PRELID2: variants seen among roughly 807,000 people sequenced by gnomAD.
PRELID2 encodes PRELI domain-containing protein 2.
PRELID2 carries 25 observed loss-of-function variants against 28.4 expected under a neutral mutation model. The ratio of observed to expected loss-of-function variants is 0.88; its 90% CI spans 0.64 to 1.23. PRELID2 has a LOEUF of 1.23. PRELID2 is among the 50% of genes most tolerant of loss of function. The pLI is 0.00. For synonymous variants in PRELID2, 76 were observed against 71.6 expected (o/e 1.06, Z -0.31); for missense variants, 201 against 214.4 (o/e 0.94, Z 0.39).
chr5:145,458,090 A>C, the PRELID2 span, among the ~76,000 whole-genome samples: 1 of 152,232 alleles, frequency 6.6e-6, no homozygotes, highest in Non-Finnish European at 1.5e-5. Flanking sequence ...CACTCTACTA[A>C]CACCACCAAA....
At chr5:145,642,971 T>G (rs1435151576) in intron 1 of PRELID2, among the ~76,000 whole-genome samples, 1 of 152,240 alleles carries the variant, frequency 6.6e-6, no homozygotes, top group Non-Finnish European at 1.5e-5. Context: ...CTTTGTTCTT[T>G]TGGCTTAGGA....
At chr5:145,390,135 C>T in the PRELID2 span, among the ~76,000 whole-genome samples, 1 of 152,140 alleles carries the variant, frequency 6.6e-6, no homozygotes, top group African/African-American at 2.4e-5. Flanking sequence ...ATAGGAAAGA[C>T]ACCTAATCCT....
intron 1 of PRELID2, among the ~76,000 whole-genome samples, chr5:145,487,920 C>T (rs189360754): frequency 4.6e-5 from 7 of 151,354 alleles, no homozygotes; most frequent in African/African-American, 1.5e-4. Flanking sequence ...GTCAGGAGAT[C>T]GAGACCATCC....
chr5:145,363,474 A>G, the PRELID2 span, among the ~76,000 whole-genome samples: 1 of 152,062 alleles, frequency 6.6e-6, no homozygotes, highest in African/African-American at 2.4e-5. Flanking sequence ...CTCATTAATA[A>G]GAAAGCCCAT....
At chr5:145,389,255 A>G in the PRELID2 span, among the ~76,000 whole-genome samples, 41 of 152,140 alleles carry the variant, frequency 2.7e-4, no homozygotes, top group African/African-American at 9.2e-4. Flanking sequence ...GATTCAGATT[A>G]TGGCTGTTAC....
At chr5:145,531,589 G>T (rs1342200594) in intron 1 of PRELID2, among the ~76,000 whole-genome samples, 3 of 152,162 alleles carry the variant, frequency 2.0e-5, no homozygotes, top group Non-Finnish European at 4.4e-5. Flanking sequence ...GAAAGACAAG[G>T]AATCTGGAAG....
intron 1 of PRELID2, among the ~76,000 whole-genome samples, chr5:145,590,725 G>A (rs985914832): frequency 6.6e-5 from 10 of 152,052 alleles, no homozygotes; most frequent in African/African-American, 2.2e-4. Context: ...TATTAGTCCA[G>A]ATAATATCTA....
At chr5:145,768,871 A>T (rs918971363) in intron 5 of PRELID2, among the ~76,000 whole-genome samples, 3 of 152,144 alleles carry the variant, frequency 2.0e-5, no homozygotes, top group Admixed American at 1.3e-4. Context: ...TCTAAGCAGA[A>T]CAGTTAGAAA....
At chr5:145,375,193 C>G in the PRELID2 span, among the ~76,000 whole-genome samples, 1 of 151,964 alleles carries the variant, frequency 6.6e-6, no homozygotes, top group Admixed American at 6.6e-5. Flanking sequence ...TTGTCATGTT[C>G]TGCTTGTTTG....
the PRELID2 span, among the ~76,000 whole-genome samples, chr5:145,434,898 G>C: frequency 1.3e-5 from 2 of 152,114 alleles, no homozygotes; most frequent in Non-Finnish European, 2.9e-5. Context: ...TATGCAGTGG[G>C]GGAAGAAGAC....
chr5:145,619,478 A>T (rs79514758), intron 1 of PRELID2, among the ~76,000 whole-genome samples: 1 of 152,332 alleles, frequency 6.6e-6, no homozygotes, highest in East Asian at 1.9e-4. Context: ...CAGTTTCCCT[A>T]GCAGGAGTGT....
chr5:145,437,400 T>G, the PRELID2 span, among the ~76,000 whole-genome samples: 5 of 152,154 alleles, frequency 3.3e-5, no homozygotes, highest in African/African-American at 1.2e-4. Flanking sequence ...AACAGAATAT[T>G]GAAAAGGAAG....
At chr5:145,373,247 G>C in the PRELID2 span, among the ~76,000 whole-genome samples, 1 of 66,298 alleles carries the variant, frequency 1.5e-5, no homozygotes, top group Non-Finnish European at 2.6e-5. Flanking sequence ...TAATATATAT[G>C]ATATATATTA....
intron 5 of PRELID2, among the ~76,000 whole-genome samples, chr5:145,778,038 G>A (rs1198226799): frequency 6.6e-6 from 1 of 152,172 alleles, no homozygotes; most frequent in Admixed American, 6.5e-5. Context: ...CTGAAGGCTG[G>A]GGGCGGGGCT....
At chr5:145,548,403 C>A (rs1752805190) in intron 1 of PRELID2, among the ~76,000 whole-genome samples, 1 of 152,160 alleles carries the variant, frequency 6.6e-6, no homozygotes, top group Non-Finnish European at 1.5e-5. Context: ...ATTGCTCTGT[C>A]TTTGGCCACA....
At chr5:145,620,867 A>T (rs958499981) in intron 1 of PRELID2, among the ~76,000 whole-genome samples, 6 of 152,194 alleles carry the variant, frequency 3.9e-5, no homozygotes, top group African/African-American at 1.4e-4. Context: ...CCAGGGAAAA[A>T]TAAATAACTT....
At chr5:145,769,624 G>A (rs1757981609) in intron 5 of PRELID2, among the ~76,000 whole-genome samples, 1 of 152,194 alleles carries the variant, frequency 6.6e-6, no homozygotes, top group Non-Finnish European at 1.5e-5. Flanking sequence ...TCCACAGGGA[G>A]CTCTTAACAA....
intron 1 of PRELID2, among the ~76,000 whole-genome samples, chr5:145,508,959 C>A (rs1354552191): frequency 2.0e-5 from 3 of 152,188 alleles, no homozygotes; most frequent in Non-Finnish European, 2.9e-5. Flanking sequence ...AATTGAAATA[C>A]TGGTCTAATG....
chr5:145,492,367 T>C (rs1360776473), intron 1 of PRELID2, among the ~76,000 whole-genome samples: 2 of 95,826 alleles, frequency 2.1e-5, no homozygotes, highest in Admixed American at 1.1e-4. Context: ...AAATTTTTAA[T>C]CGAGTCATTT....
Sources: allele counts gnomAD v4.1 joint callset (sites outside exome capture counted in the v4.1 genomes callset), GRCh38; gene constraint gnomAD v4.1.1; transcripts MANE v1.5; gene names NCBI Gene and HGNC (gene_info 2026-07-23, HGNC 2026-07-21).